CNTN4: variants seen among roughly 807,000 people sequenced by gnomAD.
CNTN4 encodes contactin-4.
CNTN4 carries 77 observed loss-of-function variants against 122.5 expected under a neutral mutation model. The ratio of observed to expected loss-of-function variants is 0.63; its 90% CI spans 0.52 to 0.76. The LOEUF is 0.76. Among genes scored for constraint, CNTN4 ranks in the 30% least tolerant of loss-of-function variants. The pLI, the probability that CNTN4 is intolerant of heterozygous loss-of-function variation, is 0.00. For synonymous variants in CNTN4, 512 were observed against 447.0 expected (o/e 1.15, Z -1.83); for missense variants, 1,256 against 1,259.1 (o/e 1.00, Z 0.04).
intron 10 of CNTN4, among the ~76,000 whole-genome samples, chr3:2,888,869 C>T (rs918934419): frequency 1.3e-5 from 2 of 152,078 alleles, no homozygotes; most frequent in Non-Finnish European, 2.9e-5. Context: ...CCATTCCACT[C>T]AGCACAAATT....
intron 13 of CNTN4, among the ~76,000 whole-genome samples, chr3:2,952,102 G>T (rs2094751718): frequency 6.6e-6 from 1 of 152,194 alleles, no homozygotes; most frequent in Non-Finnish European, 1.5e-5. Flanking sequence ...TGCCCTTGTA[G>T]TATGGAGCTT....
chr3:2,478,940 A>C (rs941691770), intron 3 of CNTN4, among the ~76,000 whole-genome samples: 1 of 152,094 alleles, frequency 6.6e-6, no homozygotes, highest in Non-Finnish European at 1.5e-5. Flanking sequence ...TTTACTATAT[A>C]ATATCTTGAT....
At chr3:2,363,160 G>C (rs1252771609) in intron 3 of CNTN4, among the ~76,000 whole-genome samples, 1 of 152,082 alleles carries the variant, frequency 6.6e-6, no homozygotes, top group Non-Finnish European at 1.5e-5. Flanking sequence ...CTCTCCATTA[G>C]TAAGCCATGT....
intron 13 of CNTN4, among the ~76,000 whole-genome samples, chr3:2,961,910 G>T (rs1358304121): frequency 6.6e-6 from 1 of 152,198 alleles, no homozygotes; most frequent in Non-Finnish European, 1.5e-5. Context: ...CAAAATTTTT[G>T]TGTTCCTGCT....
chr3:2,584,753 C>T (rs915468070), intron 4 of CNTN4, among the ~76,000 whole-genome samples: 1 of 150,726 alleles, frequency 6.6e-6, no homozygotes, highest in South Asian at 2.1e-4. Flanking sequence ...TCACAATTTC[C>T]CTCACTATCA....
chr3:2,436,313 TAA>T (rs1196790437), intron 3 of CNTN4, among the ~76,000 whole-genome samples: 1 of 152,042 alleles, frequency 6.6e-6, no homozygotes, highest in Non-Finnish European at 1.5e-5. Context: ...TGTGTAAAAG[TAA>T]AGAGTTGTAG....
At chr3:2,237,930 G>A (rs2149586413) in intron 2 of CNTN4, among the ~76,000 whole-genome samples, 1 of 152,148 alleles carries the variant, frequency 6.6e-6, no homozygotes, top group South Asian at 2.1e-4. Context: ...GCTCATCAGG[G>A]TAACTTATTA....
chr3:2,525,090 A>T (rs1201934387), intron 3 of CNTN4, among the ~76,000 whole-genome samples: 2 of 152,234 alleles, frequency 1.3e-5, no homozygotes, highest in Middle Eastern at 3.4e-3. Context: ...GTCACTGAAT[A>T]TGACGACCTG....
chr3:2,646,388 T>C (rs1036717505), intron 4 of CNTN4, among the ~76,000 whole-genome samples: 2 of 152,230 alleles, frequency 1.3e-5, no homozygotes, highest in African/African-American at 4.8e-5. Flanking sequence ...GTGCAAATTA[T>C]TTAGTCTCTC....
intron 3 of CNTN4, among the ~76,000 whole-genome samples, chr3:2,375,064 C>A (rs1309095037): frequency 6.6e-6 from 1 of 152,164 alleles, no homozygotes; most frequent in African/African-American, 2.4e-5. Context: ...CTTAGAAAGT[C>A]ATTGTAAAAA....
In CNTN4 at chr3:2,466,782, T is replaced by C. The variant is rs571409331; in HGVS notation, c.-88-104634T>C. The stretch of plus-strand genomic sequence containing the variant: ...CCCTCTTAAAAATGAGCATAATAAG[T>C]GAACAAAATAGCTCTTTTATGGTAA... On this transcript the variant is annotated intron_variant, in intron 3 of 24. Transcript: ENST00000418658. Among the ~76,000 whole-genome samples the C allele has an allele frequency of 9.2e-5, 14 of 152,300 alleles. 1 individual carries two copies. The South Asian group carries it at 2.9e-3, about 32-fold the overall frequency.
Position 2,624,683 on chromosome 3 carries a change from G to A in CNTN4, c.55+53125G>A, listed in dbSNP as rs1029464066. Among the ~76,000 whole-genome samples the A allele has an allele frequency of 8.3e-5, 12 of 144,972 alleles. No individual in the cohort carries two copies. In the East Asian group the frequency reaches 2.3e-3, roughly 27 times the overall value. On this transcript the variant is annotated intron_variant, in intron 4 of 24. Transcript: ENST00000418658. The stretch of plus-strand genomic sequence containing the variant: ...GTCTCACCCTGTCTCCCAGGCTGGA[G>A]TGCAGAGAAGTGATCTCGGCACACT...
At chr3:2,591,658 C>G (rs2080499067) in intron 4 of CNTN4, among the ~76,000 whole-genome samples, 1 of 151,552 alleles carries the variant, frequency 6.6e-6, no homozygotes, top group East Asian at 2.0e-4. Context: ...GCCACCGCGC[C>G]CGGCCGATTT....
chr3:2,159,276 C>G (rs1312219519), intron 2 of CNTN4, among the ~76,000 whole-genome samples: 3 of 151,988 alleles, frequency 2.0e-5, no homozygotes, highest in African/African-American at 7.3e-5. Context: ...AATAATAAGC[C>G]CCAACATATC....
intron 2 of CNTN4, among the ~76,000 whole-genome samples, chr3:2,215,200 AATGT>A (rs1559348695): frequency 6.6e-6 from 1 of 152,208 alleles, no homozygotes; most frequent in Non-Finnish European, 1.5e-5. Context: ...TTTATCAAAA[AATGT>A]ATAGTATTTG....
At chr3:2,754,745 GAA>G (rs201877364) in intron 6 of CNTN4, among the ~76,000 whole-genome samples, 12 of 119,498 alleles carry the variant, frequency 1.0e-4, no homozygotes, top group Admixed American at 8.6e-5. Context: ...GGAATGAAGT[GAA>G]AAAAAAAAAA....
chr3:2,437,952 A>G (rs760736966), intron 3 of CNTN4, among the ~76,000 whole-genome samples: 2 of 152,136 alleles, frequency 1.3e-5, no homozygotes, highest in Non-Finnish European at 1.5e-5. Context: ...ATGTCTCAGT[A>G]TTAATAGATC....
chr3:2,938,770 A>G (rs1057467877), intron 13 of CNTN4, among the ~76,000 whole-genome samples: 18 of 152,198 alleles, frequency 1.2e-4, no homozygotes, highest in Admixed American at 6.5e-4. Flanking sequence ...CTGGGTTAGA[A>G]CCATGTAAAC....
chr3:2,286,512 T>TA (rs1006781786), intron 2 of CNTN4, among the ~76,000 whole-genome samples: 5 of 152,060 alleles, frequency 3.3e-5, no homozygotes, highest in African/African-American at 1.2e-4. Flanking sequence ...ACATAAAACT[T>TA]ACAATTTCTA....
Sources: gnomAD v4.1 joint callset for allele counts (sites outside exome capture counted in the v4.1 genomes callset) on GRCh38, gnomAD v4.1.1 for gene constraint, MANE v1.5 for transcripts, NCBI Gene and HGNC (gene_info 2026-07-23, HGNC 2026-07-21) for gene names.